The following ACYP2 variants were observed in gnomAD, a reference collection of about 807,000 sequenced individuals.
ACYP2 encodes the protein acylphosphatase-2.
In ACYP2, 12 loss-of-function variants were observed where a neutral mutation model predicts 11.2. The observed-to-expected ratio is 1.08, with a 90% CI of 0.69 to 1.74. The LOEUF is 1.74. Ranked by LOEUF, ACYP2 falls within the 40% of genes most tolerant of loss-of-function variation. ACYP2 has a pLI of 0.00. For synonymous variants in ACYP2, 43 were observed against 32.2 expected, an observed-to-expected ratio of 1.33 and a Z score of -1.13; for missense variants, 134 against 101.9, an observed-to-expected ratio of 1.31 and a Z score of -1.35.
chr2:54,186,208 T>G (rs1017803724), intron 6 of ACYP2, among the ~76,000 whole-genome samples: 3 of 152,282 alleles, frequency 2.0e-5, no homozygotes, highest in African/African-American at 7.2e-5. Context: ...TTGTTCGCTT[T>G]AAAATGTTGA....
chr2:54,232,736 T>G (rs1452230660), intron 6 of ACYP2, among the ~76,000 whole-genome samples: 3 of 152,098 alleles, frequency 2.0e-5, no homozygotes, highest in Admixed American at 2.0e-4. Flanking sequence ...AAGGCATGTC[T>G]TACATGGCGG....
chr2:54,141,309 A>C (rs991837644), intron 6 of ACYP2, among the ~76,000 whole-genome samples: 2 of 152,204 alleles, frequency 1.3e-5, no homozygotes, highest in African/African-American at 4.8e-5. Flanking sequence ...TATTAACTCA[A>C]ATATGGCTAT....
At chr2:53,976,722 A>G (rs985650731) in intron 2 of ACYP2, among the ~76,000 whole-genome samples, 3 of 152,200 alleles carry the variant, frequency 2.0e-5, no homozygotes, top group Non-Finnish European at 4.4e-5. Context: ...TTCAAAAATC[A>G]TTTTCATCCA....
chr2:54,139,031 C>A (rs1303420138), intron 6 of ACYP2, among the ~76,000 whole-genome samples: 1 of 152,200 alleles, frequency 6.6e-6, no homozygotes, highest in Non-Finnish European at 1.5e-5. Context: ...AGATTACAAT[C>A]AAACTAATAT....
At chr2:54,093,297 C>T (rs1157872334) in intron 4 of ACYP2, among the ~76,000 whole-genome samples, 1 of 152,124 alleles carries the variant, frequency 6.6e-6, no homozygotes, top group East Asian at 1.9e-4. Context: ...AGACAACTGC[C>T]GGAAGAACTA....
intron 2 of ACYP2, among the ~76,000 whole-genome samples, chr2:54,045,529 A>G (rs976697018): frequency 1.3e-5 from 2 of 152,142 alleles, no homozygotes; most frequent in African/African-American, 4.8e-5. Context: ...AAAATTGTGG[A>G]ACACTGGCTG....
chr2:54,203,722 G>GT (rs1331170364), intron 6 of ACYP2, among the ~76,000 whole-genome samples: 1 of 150,732 alleles, frequency 6.6e-6, no homozygotes, highest in Non-Finnish European at 1.5e-5. Flanking sequence ...CAGTTGGTTT[G>GT]TTTTTCCTTT....
intron 6 of ACYP2, chr2:54,256,254 C>T: frequency 7.4e-7 from 1 of 1,358,076 alleles, no homozygotes; most frequent in Non-Finnish European, 1.0e-6. Context: ...CCCATTTGCG[C>T]CGCCCACTCT....
intron 4 of ACYP2, among the ~76,000 whole-genome samples, chr2:54,100,221 T>C (rs184574996): frequency 5.1e-4 from 78 of 152,310 alleles, no homozygotes; most frequent in African/African-American, 1.8e-3. Context: ...ACTACTCTTT[T>C]CTTTCCACTT....
At chr2:54,250,477 T>TGGGGGGG (rs149150140) in intron 6 of ACYP2, among the ~76,000 whole-genome samples, 4 of 83,784 alleles carry the variant, frequency 4.8e-5, no homozygotes, top group Admixed American at 1.4e-4. Context: ...GTGGGTGGGG[T>TGGGGGGG]GGGGGGGGCG....
chr2:54,115,283 C>A, intron 4 of ACYP2: 1 of 444,722 alleles, frequency 2.2e-6, no homozygotes, highest in Non-Finnish European at 4.0e-6. Context: ...TTGTACACCA[C>A]AAATATACCC....
intron 6 of ACYP2, among the ~76,000 whole-genome samples, chr2:54,281,188 T>A (rs1326343123): frequency 6.6e-6 from 1 of 152,264 alleles, no homozygotes; most frequent in Non-Finnish European, 1.5e-5. Context: ...AATATCTGAT[T>A]AGTCTCAATC....
intron 6 of ACYP2, among the ~76,000 whole-genome samples, chr2:54,186,606 C>T (rs571095493): frequency 1.1e-3 from 161 of 152,212 alleles, no homozygotes; most frequent in Non-Finnish European, 2.0e-3. Context: ...CTCTGCCTCC[C>T]AGGTTCAAGT....
At chr2:54,130,388 A>G (rs1680828302) in intron 4 of ACYP2, among the ~76,000 whole-genome samples, 1 of 152,122 alleles carries the variant, frequency 6.6e-6, no homozygotes, top group Admixed American at 6.6e-5. Flanking sequence ...GAGAAGTAGG[A>G]TATGAGGTAG....
At chr2:54,083,508 G>C (rs1441486561) in intron 4 of ACYP2, among the ~76,000 whole-genome samples, 1 of 152,196 alleles carries the variant, frequency 6.6e-6, no homozygotes, top group African/African-American at 2.4e-5. Flanking sequence ...AGAAATCAAG[G>C]TTCTAAGTTT....
At chr2:54,108,640 T>G (rs1679298268) in intron 4 of ACYP2, among the ~76,000 whole-genome samples, 1 of 151,988 alleles carries the variant, frequency 6.6e-6, no homozygotes, top group African/African-American at 2.4e-5. Flanking sequence ...TCCCCCGAGT[T>G]GGTGGCTGGC....
chr2:54,085,411 G>C (rs1677897699), intron 4 of ACYP2, among the ~76,000 whole-genome samples: 1 of 152,168 alleles, frequency 6.6e-6, no homozygotes, highest in Non-Finnish European at 1.5e-5. Flanking sequence ...CATTAAACTG[G>C]AGTAAGGGGG....
At chr2:54,092,981 C>A (rs1344538235) in intron 4 of ACYP2, among the ~76,000 whole-genome samples, 2 of 152,162 alleles carry the variant, frequency 1.3e-5, no homozygotes, top group Admixed American at 6.6e-5. Context: ...TACAATCGTT[C>A]AGAGTAGACA....
intron 4 of ACYP2, among the ~76,000 whole-genome samples, chr2:54,081,524 G>A (rs933272723): frequency 6.6e-6 from 1 of 152,122 alleles, no homozygotes; most frequent in Non-Finnish European, 1.5e-5. Flanking sequence ...TGTAGCCCAG[G>A]AACAATCAGC....
Sources: gnomAD v4.1 joint callset for allele counts (sites outside exome capture counted in the v4.1 genomes callset) on GRCh38, gnomAD v4.1.1 for gene constraint, MANE v1.5 for transcripts, NCBI Gene and HGNC (gene_info 2026-07-23, HGNC 2026-07-21) for gene names.